SPOCK1: variants seen among roughly 807,000 people sequenced by gnomAD.
SPOCK1 encodes the protein SPARC (osteonectin), cwcv and kazal like domains proteoglycan 1.
Under a neutral mutation model 55.3 loss-of-function variants are expected in SPOCK1, and 23 were observed. That is an observed-to-expected ratio of 0.42 (90% CI 0.30 to 0.59). The LOEUF is 0.59. Ranked by LOEUF, SPOCK1 falls within the 20% of genes least tolerant of loss-of-function variation. The probability of loss-of-function intolerance (pLI) is 0.22; values close to 1 mark genes in which losing one functional copy is unlikely to be tolerated. For missense variants in SPOCK1, 499 were observed against 552.5 expected (o/e 0.90, Z 0.97); for synonymous variants, 226 against 221.0 (o/e 1.02, Z -0.20).
chr5:137,160,607 A>ATATATAATATATT (rs1754525742), intron 3 of SPOCK1, among the ~76,000 whole-genome samples: 2 of 63,528 alleles, frequency 3.1e-5, no homozygotes, highest in African/African-American at 1.3e-4. Flanking sequence ...TATTATATAT[A>ATATATAATATATT]ATATATAATA....
intron 3 of SPOCK1, among the ~76,000 whole-genome samples, chr5:137,190,449 T>C (rs997936666): frequency 3.3e-5 from 5 of 152,224 alleles, no homozygotes; most frequent in African/African-American, 1.2e-4. Context: ...TGGTTAGCAT[T>C]TTTTAGCAAT....
At chr5:137,036,405 C>T (rs541168689) in intron 6 of SPOCK1, among the ~76,000 whole-genome samples, 21 of 152,104 alleles carry the variant, frequency 1.4e-4, no homozygotes, top group Non-Finnish European at 2.8e-4. Flanking sequence ...TCTGATGATC[C>T]CATCTGCTCC....
chr5:137,184,735 G>A (rs1199881398), intron 3 of SPOCK1, among the ~76,000 whole-genome samples: 2 of 152,076 alleles, frequency 1.3e-5, no homozygotes, highest in East Asian at 1.9e-4. Context: ...AGAAACAGGT[G>A]CATGCATCCC....
At chr5:137,427,088 A>G (rs1048733859) in intron 2 of SPOCK1, among the ~76,000 whole-genome samples, 5 of 152,214 alleles carry the variant, frequency 3.3e-5, no homozygotes, top group African/African-American at 1.2e-4. Context: ...CGAACGGTTA[A>G]GAGAGTGGGT....
chr5:137,372,354 T>C (rs553257866), intron 2 of SPOCK1, among the ~76,000 whole-genome samples: 1 of 152,302 alleles, frequency 6.6e-6, no homozygotes, highest in East Asian at 1.9e-4. Flanking sequence ...ATACCCTCCC[T>C]GAGCAATAGA....
intron 2 of SPOCK1, among the ~76,000 whole-genome samples, chr5:137,412,947 A>T (rs1246035723): frequency 6.6e-6 from 1 of 152,108 alleles, no homozygotes; most frequent in Non-Finnish European, 1.5e-5. Flanking sequence ...CTATGTTCTA[A>T]CAGAGAAAGC....
At chr5:137,211,270 C>T (rs75616765) in intron 3 of SPOCK1, among the ~76,000 whole-genome samples, 1,920 of 152,206 alleles carry the variant, frequency 0.013, 28 homozygotes, top group Middle Eastern at 0.031. Flanking sequence ...AGATTTCTAC[C>T]ACAGCTACCC....
At chr5:137,448,290 G>A (rs955058938) in intron 2 of SPOCK1, among the ~76,000 whole-genome samples, 3 of 152,072 alleles carry the variant, frequency 2.0e-5, no homozygotes, top group African/African-American at 4.8e-5. Flanking sequence ...ATACCCACTC[G>A]CTGTTATCTC....
intron 4 of SPOCK1, among the ~76,000 whole-genome samples, chr5:137,131,615 TA>T (rs79028354): frequency 7.1e-5 from 10 of 141,842 alleles, no homozygotes; most frequent in Non-Finnish European, 9.3e-5. Context: ...CTCAAAAAAA[TA>T]AAAAAAAGAT....
At chr5:137,324,062 T>G (rs903779339) in intron 2 of SPOCK1, among the ~76,000 whole-genome samples, 10 of 151,896 alleles carry the variant, frequency 6.6e-5, no homozygotes, top group Admixed American at 5.2e-4. Flanking sequence ...AGCCAAGAGG[T>G]GGAAACCACA....
intron 3 of SPOCK1, among the ~76,000 whole-genome samples, chr5:137,231,218 T>C (rs745994569): frequency 3.9e-5 from 6 of 152,168 alleles, no homozygotes; most frequent in Non-Finnish European, 7.3e-5. Context: ...CTAATTTTTG[T>C]ATTTTTAGTA....
chr5:137,403,022 A>G (rs1033890291), intron 2 of SPOCK1, among the ~76,000 whole-genome samples: 1 of 152,258 alleles, frequency 6.6e-6, no homozygotes, highest in Non-Finnish European at 1.5e-5. Flanking sequence ...AAGGTCACAC[A>G]GCTGATGACT....
intron 2 of SPOCK1, among the ~76,000 whole-genome samples, chr5:137,487,605 C>T (rs1754086568): frequency 6.6e-6 from 1 of 152,192 alleles, no homozygotes; most frequent in African/African-American, 2.4e-5. Flanking sequence ...TCCTTCATTT[C>T]GTCTGTGCAG....
At chr5:137,327,252 C>T (rs918694912) in intron 2 of SPOCK1, among the ~76,000 whole-genome samples, 3 of 152,122 alleles carry the variant, frequency 2.0e-5, no homozygotes, top group Non-Finnish European at 2.9e-5. Context: ...GCTGCCTTCC[C>T]CATAGTAAGT....
rs1381202080 is a variant in SPOCK1, at chr5:137,016,442, C to T, written c.590-23842G>A. ...CAAGTGAGGAGCTGAATAGATAATA[C>T]GTTCATAAGTTGAAATTCAAATGGC... On this transcript the variant is annotated intron_variant, in intron 6 of 10. Coordinates refer to ENST00000394945, the MANE Select transcript of SPOCK1 (RefSeq NM_004598.4). 2.6e-5 allele frequency among the ~76,000 whole-genome samples: 4 copies of T among 152,138 alleles called. No homozygotes were observed. In the South Asian group the frequency reaches 6.2e-4, roughly 24 times the overall value.
chr5:137,011,939 G>A (rs993331980), intron 6 of SPOCK1, among the ~76,000 whole-genome samples: 27 of 152,278 alleles, frequency 1.8e-4, no homozygotes, highest in African/African-American at 5.1e-4. Flanking sequence ...CAGGAGTCCC[G>A]AGAGTTGCCA....
intron 3 of SPOCK1, among the ~76,000 whole-genome samples, chr5:137,242,079 A>T (rs1159170168): frequency 1.3e-5 from 2 of 152,160 alleles, no homozygotes; most frequent in Admixed American, 1.3e-4. Flanking sequence ...ACACTAAAAA[A>T]CCATACAGGC....
At chr5:137,429,548 T>C (rs1007046663) in intron 2 of SPOCK1, among the ~76,000 whole-genome samples, 1 of 152,194 alleles carries the variant, frequency 6.6e-6, no homozygotes. Context: ...GCCAGTGCAT[T>C]CCCTAGCTCA....
chr5:137,382,917 G>A (rs899379091), intron 2 of SPOCK1, among the ~76,000 whole-genome samples: 1 of 152,176 alleles, frequency 6.6e-6, no homozygotes, highest in Non-Finnish European at 1.5e-5. Flanking sequence ...GCCAGGACTG[G>A]TTAAAATGAT....
Sources: gnomAD v4.1 joint callset for allele counts (sites outside exome capture counted in the v4.1 genomes callset) on GRCh38, gnomAD v4.1.1 for gene constraint, MANE v1.5 for transcripts, NCBI Gene and HGNC (gene_info 2026-07-23, HGNC 2026-07-21) for gene names.